PPDPFL: variants seen among roughly 807,000 people sequenced by gnomAD.
The protein encoded by PPDPFL is pancreatic progenitor cell differentiation and proliferation factor like.
A neutral mutation model predicts 12.6 loss-of-function variants in PPDPFL; 12 were observed. The observed-to-expected ratio is 0.95, with a 90% CI of 0.61 to 1.54. The LOEUF is 1.54. Ranked by LOEUF, PPDPFL falls within the 40% of genes most tolerant of loss-of-function variation. The pLI, the probability that PPDPFL is intolerant of heterozygous loss-of-function variation, is 0.00. For missense variants in PPDPFL, 114 were observed against 96.0 expected (o/e 1.19, Z -0.78); for synonymous variants, 24 against 32.7 (o/e 0.73, Z 0.91).
intron 2 of PPDPFL, 78 bp from the exon 3 acceptor site, chr8:49,073,981 A>T: frequency 1.1e-6 from 1 of 914,880 alleles, no homozygotes; most frequent in Non-Finnish European, 1.8e-6. Flanking sequence ...GCTACTTGAC[A>T]GTTTGTATAT....
chr8:49,073,682 G>T (rs1411848158), intron 2 of PPDPFL, among the ~76,000 whole-genome samples: 1 of 152,122 alleles, frequency 6.6e-6, no homozygotes, highest in Non-Finnish European at 1.5e-5. Flanking sequence ...TAGATTTGAT[G>T]ACTTCTGTAG....
chr8:49,064,349 G>A (rs1325220008), intron 1 of PPDPFL, among the ~76,000 whole-genome samples: 1 of 152,188 alleles, frequency 6.6e-6, no homozygotes, highest in Admixed American at 6.5e-5. Context: ...ACAGGCCAGA[G>A]AGGGTGGGAG....
chr8:49,055,221 A>G (rs560275186), intron 1 of PPDPFL, among the ~76,000 whole-genome samples: 2 of 150,922 alleles, frequency 1.3e-5, no homozygotes, highest in East Asian at 2.0e-4. Flanking sequence ...CTACAGTCTT[A>G]TTGAAAGCCG....
Position 49,074,329 on chromosome 8 carries a change from A to C in PPDPFL, c.229A>C (p.Thr77Pro), listed in dbSNP as rs2129246570. 3 of 1,613,702 alleles carry C rather than the reference A, an allele frequency of 1.9e-6. No individual in the cohort carries two copies. The highest frequency in any genetic ancestry group is 2.2e-5 in the East Asian group (1 of 44,880). Residue 77 changes from threonine to proline, a missense_variant, in exon 4 of 5, where the codon ACT becomes CCT. Physicochemically the swap from Thr to Pro is conservative, Grantham distance 38 (BLOSUM62 -1). Transcript: ENST00000522267. Reference protein sequence around the residue: ...SNVRIKDLSATGLQMSTL With the variant: ...SNVRIKDLSAPGLQMSTL ...TGTGAGAATAAAAGATCTGTCTGCT[A>C]CTGGGTGAGTTTTAGCCTTCTCTGG...
chr8:49,072,778 C>A lies in PPDPFL; in HGVS notation c.-44-9C>A. 1 of 1,391,840 alleles carries A rather than the reference C, an allele frequency of 7.2e-7. No homozygotes were observed. The highest frequency in any genetic ancestry group is 9.9e-7 in the Non-Finnish European group (1 of 1,011,532). 86.2% of individuals were successfully genotyped at this position (1,391,840 alleles called of 1,614,324 possible). A position where few individuals can be genotyped will look rare whatever the true frequency, so the allele number is the denominator to read the frequency against. Reference sequence around the variant, plus strand: ...ATATCAATGTCTCTTTTCTCTGTCGCTGTTTCAGATTAATGCTCACAGCTT... The same window carrying A: ...ATATCAATGTCTCTTTTCTCTGTCGATGTTTCAGATTAATGCTCACAGCTT... On this transcript the variant is annotated splice_polypyrimidine_tract_variant and intron_variant, in intron 1 of 4. Coordinates refer to ENST00000522267, the MANE Select transcript of PPDPFL (RefSeq NM_001256597.2).
At chr8:49,075,121 C>G in intron 4 of PPDPFL, 31 bp from the exon 5 acceptor site, 2 of 1,610,520 alleles carry the variant, frequency 1.2e-6, no homozygotes, top group South Asian at 1.1e-5. Flanking sequence ...TATTTATCCC[C>G]TCCTCTCTGA....
At chr8:49,057,008 G>T (rs1369184485) in intron 1 of PPDPFL, among the ~76,000 whole-genome samples, 1 of 152,140 alleles carries the variant, frequency 6.6e-6, no homozygotes, top group Non-Finnish European at 1.5e-5. Flanking sequence ...CAGTTTTGTT[G>T]CTGGACTTGA....
intron 1 of PPDPFL, among the ~76,000 whole-genome samples, chr8:49,057,633 A>G (rs1808132433): frequency 6.6e-6 from 1 of 152,146 alleles, no homozygotes; most frequent in South Asian, 2.1e-4. Flanking sequence ...CAAAAGGCCT[A>G]CACTCACCAA....
intron 1 of PPDPFL, among the ~76,000 whole-genome samples, chr8:49,057,283 G>GCTT (rs1808125849): frequency 6.6e-6 from 1 of 152,084 alleles, no homozygotes; most frequent in African/African-American, 2.4e-5. Context: ...TCTGAATGAA[G>GCTT]GGTCGTGAAT....
In PPDPFL at chr8:49,074,058, G is replaced by T; in HGVS notation, c.56-1G>T. 1 of 1,605,100 alleles carries T rather than the reference G, an allele frequency of 6.2e-7. No individual in the cohort carries two copies. Among genetic ancestry groups the T allele is most frequent in the Non-Finnish European group, 8.5e-7 (1 of 1,172,846 alleles). ...TGTTTAATATCATTTGTTTCCTACA[G>T]AGTCCAGTGTTTCTTCAGTTAGTTC... On this transcript the variant is annotated splice_acceptor_variant, in intron 2 of 4. Transcript: ENST00000522267. LOFTEE classifies it high-confidence loss of function.
chr8:49,071,999 C>A (rs1650465078), upstream of PPDPFL, among the ~76,000 whole-genome samples: 1 of 152,218 alleles, frequency 6.6e-6, no homozygotes, highest in African/African-American at 2.4e-5. Flanking sequence ...GCTTGTACAT[C>A]CCACACGTGC....
chr8:49,059,347 A>C (rs1808160136), intron 1 of PPDPFL, among the ~76,000 whole-genome samples: 1 of 152,190 alleles, frequency 6.6e-6, no homozygotes, highest in African/African-American at 2.4e-5. Flanking sequence ...GGTTCATGGT[A>C]GGGAATGAGG....
chr8:49,065,219 A>C (rs528249560), intron 1 of PPDPFL, among the ~76,000 whole-genome samples: 1 of 152,214 alleles, frequency 6.6e-6, no homozygotes, highest in Non-Finnish European at 1.5e-5. Flanking sequence ...AGGTCTTTGC[A>C]TCAGAAAGGG....
intron 1 of PPDPFL, among the ~76,000 whole-genome samples, chr8:49,064,739 A>T (rs917432534): frequency 2.6e-5 from 4 of 152,206 alleles, no homozygotes; most frequent in Admixed American, 2.0e-4. Context: ...AATCAGATGC[A>T]CTCTGCATTT....
intron 1 of PPDPFL, among the ~76,000 whole-genome samples, chr8:49,056,486 A>T (rs1362169818): frequency 1.3e-5 from 2 of 152,180 alleles, no homozygotes; most frequent in Non-Finnish European, 2.9e-5. Flanking sequence ...TTATTAGATT[A>T]CTTGAGTTCA....
At chr8:49,069,452 G>T (rs1012075534), upstream of PPDPFL, among the ~76,000 whole-genome samples, 12 of 152,168 alleles carry the variant, frequency 7.9e-5, no homozygotes, top group Non-Finnish European at 1.5e-4. Context: ...AGAAGGTTTA[G>T]AAATCATCAA....
intron 2 of PPDPFL, among the ~76,000 whole-genome samples, chr8:49,073,199 T>A (rs1166254897): frequency 6.6e-6 from 1 of 151,376 alleles, no homozygotes; most frequent in African/African-American, 2.5e-5. Context: ...TAATTTTACA[T>A]AAATAAAGTA....
intron 1 of PPDPFL, among the ~76,000 whole-genome samples, chr8:49,060,765 G>A (rs1477415867): frequency 6.6e-6 from 1 of 152,148 alleles, no homozygotes; most frequent in African/African-American, 2.4e-5. Context: ...AAATAAAAAT[G>A]AATCAAAATT....
In PPDPFL at chr8:49,073,858, T is replaced by C. The variant is rs113173799; in HGVS notation, c.56-201T>C. On this transcript the variant is annotated intron_variant, in intron 2 of 4. Coordinates refer to ENST00000522267, the MANE Select transcript of PPDPFL (RefSeq NM_001256597.2). ...GTTTCCTGCCTTGGAAATGAGTATA[T>C]CTTATCAGTAGAACATAGTATTTCT... Among the ~76,000 whole-genome samples the C allele has an allele frequency of 1.8e-3, 267 of 152,340 alleles. 1 individual carries two copies. The highest frequency in any genetic ancestry group is 6.0e-3 in the African/African-American group (250 of 41,582).
Sources: allele counts gnomAD v4.1 joint callset (sites outside exome capture counted in the v4.1 genomes callset), GRCh38; gene constraint gnomAD v4.1.1; transcripts MANE v1.5; gene names NCBI Gene and HGNC (gene_info 2026-07-23, HGNC 2026-07-21).